Variants in STAMBPL1 observed in about 807,000 individuals in gnomAD.
The protein encoded by STAMBPL1 is AMSH-like protease.
In STAMBPL1, 44 loss-of-function variants were observed where a neutral mutation model predicts 52.9. The observed-to-expected ratio is 0.83, with a 90% CI of 0.65 to 1.07. The LOEUF (loss-of-function observed/expected upper bound fraction) is 1.07, where lower values mean the gene tolerates loss of function less well. STAMBPL1 is among the 50% of genes least tolerant of loss of function. The pLI is 0.00. For missense variants in STAMBPL1, 511 were observed against 520.8 expected, an observed-to-expected ratio of 0.98 and a Z score of 0.18; for synonymous variants, 164 against 177.3, an observed-to-expected ratio of 0.92 and a Z score of 0.60.
At chr10:88,895,079 G>C (rs1844779794) in intron 1 of STAMBPL1, among the ~76,000 whole-genome samples, 1 of 152,174 alleles carries the variant, frequency 6.6e-6, no homozygotes, top group Non-Finnish European at 1.5e-5. Context: ...TGTGAGCAAG[G>C]AGCCAGGCTC....
Position 88,908,767 on chromosome 10 carries a change from A to G in STAMBPL1, c.314A>G (p.Asp105Gly), listed in dbSNP as rs767228192. The change falls in exon 4 of 11, where the codon GAT becomes GGT. Residue 105 changes from aspartate (D) to glycine (G), a missense_variant. Around this residue, in one of 3 missense-constraint regions of STAMBPL1, gnomAD observed 358 missense variants for 343.5 expected, o/e 1.04. Coordinates refer to ENST00000371926, the MANE Select transcript of STAMBPL1 (RefSeq NM_020799.4). Reference sequence around the variant, plus strand: ...CAATGTGCAGTACCTGAAAAGCAGGATATTATGAAGGTATTGTGGGTTTTC... The same window carrying G: ...CAATGTGCAGTACCTGAAAAGCAGGGTATTATGAAGGTATTGTGGGTTTTC... The part of the protein sequence containing the change: ...YQQCAVPEKQ[D>G]IMKKLKEIAF... 66 of 1,606,880 alleles carry G rather than the reference A, an allele frequency of 4.1e-5. No individual in the cohort carries two copies. Among genetic ancestry groups the G allele is most frequent in the Non-Finnish European group, 6.8e-6 (8 of 1,177,548 alleles).
Position 88,913,203 on chromosome 10 carries a change from G to T in STAMBPL1, c.523G>T (p.Glu175Ter). ...AQMRQQQLES[E>*]QFLFFEDQLK... ...GATGCGCCAGCAGCAGCTAGAATCG[G>T]AGCAGTTTCTGTTTTTCGAAGATCA... The change falls in exon 6 of 11, where the codon GAG (glutamate) becomes TAG (stop). Residue 175 changes from glutamate (E) to a stop codon, truncating the protein, a stop_gained. Coordinates refer to ENST00000371926, the MANE Select transcript of STAMBPL1 (RefSeq NM_020799.4). LOFTEE classifies it high-confidence loss of function. The T allele has an allele frequency of 6.2e-7, 1 of 1,613,866 alleles. No homozygotes were observed. Among genetic ancestry groups the T allele is most frequent in the South Asian group, 1.1e-5 (1 of 91,074 alleles).
At chr10:88,885,359 T>C (rs1844505405) in intron 1 of STAMBPL1, among the ~76,000 whole-genome samples, 1 of 152,204 alleles carries the variant, frequency 6.6e-6, no homozygotes, top group Non-Finnish European at 1.5e-5. Context: ...TTCTCCTTGA[T>C]GTTTTCGTAT....
chr10:88,893,815 G>A (rs1208426625), intron 1 of STAMBPL1: 1 of 152,172 alleles, frequency 6.6e-6, no homozygotes, highest in Non-Finnish European at 1.5e-5. Context: ...TCAGATAGTT[G>A]TAATGCTGAA....
chr10:88,902,197 C>T (rs76658421), intron 2 of STAMBPL1, among the ~76,000 whole-genome samples: 29 of 152,296 alleles, frequency 1.9e-4, no homozygotes, highest in Non-Finnish European at 3.1e-4. Flanking sequence ...TCACTTTTCC[C>T]CTCACTGCCC....
intron 1 of STAMBPL1, 88 bp from the exon 2 acceptor site, chr10:88,901,568 G>A: frequency 3.0e-6 from 2 of 677,364 alleles, no homozygotes; most frequent in African/African-American, 1.9e-5. Context: ...GTTCCTGTTT[G>A]TCTGAGGCAG....
chr10:88,922,190 T>A, intron 9 of STAMBPL1, 147 bp from the exon 10 acceptor site: 1 of 777,208 alleles, frequency 1.3e-6, no homozygotes, highest in East Asian at 2.7e-5. Flanking sequence ...CAGTCATTGG[T>A]TTAAAAAAAA....
intron 1 of STAMBPL1, among the ~76,000 whole-genome samples, chr10:88,891,057 G>A (rs956127397): frequency 2.0e-5 from 3 of 152,144 alleles, no homozygotes; most frequent in Non-Finnish European, 4.4e-5. Context: ...AGTCAATTCC[G>A]AGTTATAATT....
chr10:88,921,208 G>A, intron 8 of STAMBPL1, 75 bp from the exon 9 acceptor site: 1 of 1,185,152 alleles, frequency 8.4e-7, no homozygotes, highest in South Asian at 1.5e-5. Flanking sequence ...AAAAAACAGA[G>A]TTTTCTATTA....
Position 88,901,680 on chromosome 10 carries a change from G to A in STAMBPL1, c.-29G>A. ...GATGAAGTGATTGAGAAGAAACAGT[G>A]AACATCCTCATTTCACAGATAAGAC... On this transcript the variant is annotated 5_prime_UTR_variant, in exon 2 of 11. Coordinates refer to ENST00000371926, the MANE Select transcript of STAMBPL1 (RefSeq NM_020799.4). 1 of 1,605,908 alleles carries A rather than the reference G, an allele frequency of 6.2e-7. No individual in the cohort carries two copies. The highest frequency in any genetic ancestry group is 1.1e-5 in the South Asian group (1 of 89,592).
At chr10:88,915,240 A>G (rs1438691733) in intron 7 of STAMBPL1, among the ~76,000 whole-genome samples, 2 of 152,204 alleles carry the variant, frequency 1.3e-5, no homozygotes, top group African/African-American at 4.8e-5. Flanking sequence ...TCAATTTCCT[A>G]TCTACAACAG....
At chr10:88,893,351 T>C (rs954267553) in intron 1 of STAMBPL1, among the ~76,000 whole-genome samples, 1 of 152,232 alleles carries the variant, frequency 6.6e-6, no homozygotes, top group Non-Finnish European at 1.5e-5. Context: ...ATATTTTGAA[T>C]TGAACTGTGT....
chr10:88,880,774 G>A (rs1844382765), intron 1 of STAMBPL1, 136 bp downstream of exon 1: 1 of 152,284 alleles, frequency 6.6e-6, no homozygotes, highest in East Asian at 1.9e-4. Context: ...GGCTCTAGGG[G>A]AGGAAAAAAT....
At chr10:88,919,781 G>A (rs1056213601) in intron 8 of STAMBPL1, among the ~76,000 whole-genome samples, 1 of 150,014 alleles carries the variant, frequency 6.7e-6, no homozygotes, top group Non-Finnish European at 1.5e-5. Flanking sequence ...GTACCTTTCT[G>A]TAAATCATCA....
intron 1 of STAMBPL1, among the ~76,000 whole-genome samples, chr10:88,900,222 T>A (rs1844911988): frequency 6.6e-6 from 1 of 150,926 alleles, no homozygotes; most frequent in South Asian, 2.1e-4. Flanking sequence ...ATTGATCTAC[T>A]TCTGAGATTT....
chr10:88,921,906 T>G (rs1845522281), intron 9 of STAMBPL1, among the ~76,000 whole-genome samples: 1 of 152,186 alleles, frequency 6.6e-6, no homozygotes, highest in Non-Finnish European at 1.5e-5. Flanking sequence ...GATGTAAAGA[T>G]GAAATTAGAT....
chr10:88,905,715 T>C, intron 3 of STAMBPL1, 55 bp downstream of exon 3: 1 of 1,389,848 alleles, frequency 7.2e-7, no homozygotes, highest in Non-Finnish European at 1.0e-6. Flanking sequence ...TTTACATAGT[T>C]ATTTTGATGT....
chr10:88,921,225 C>A, intron 8 of STAMBPL1, 58 bp from the exon 9 acceptor site: 2 of 1,321,952 alleles, frequency 1.5e-6, no homozygotes, highest in African/African-American at 1.5e-5. Flanking sequence ...ATTAAAATAG[C>A]CTATGGCCTT....
chr10:88,907,275 A>G (rs1162053503), intron 3 of STAMBPL1, among the ~76,000 whole-genome samples: 1 of 152,222 alleles, frequency 6.6e-6, no homozygotes, highest in Non-Finnish European at 1.5e-5. Context: ...GGCAGTTTAC[A>G]TGGTATGCAA....
Sources: gnomAD v4.1 joint callset for allele counts (sites outside exome capture counted in the v4.1 genomes callset) on GRCh38, gnomAD v4.1.1 for gene constraint, gnomAD v4.1.1 regional missense constraint, MANE v1.5 for transcripts, NCBI Gene and HGNC (gene_info 2026-07-23, HGNC 2026-07-21) for gene names.